The following ACSS2 variants were observed in gnomAD, a reference collection of about 807,000 sequenced individuals.
ACSS2 encodes the protein acyl-CoA synthetase short chain family member 2.
In ACSS2, 58 loss-of-function variants were observed where a neutral mutation model predicts 90.6. The ratio of observed to expected loss-of-function variants is 0.64; its 90% CI spans 0.52 to 0.80. ACSS2 has a LOEUF of 0.80. Among genes scored for constraint, ACSS2 ranks in the 30% least tolerant of loss-of-function variants. The pLI is 0.00. For missense variants in ACSS2, 759 were observed against 912.0 expected, an observed-to-expected ratio of 0.83 and a Z score of 2.16; for synonymous variants, 300 against 330.9, an observed-to-expected ratio of 0.91 and a Z score of 1.01.
chr20:34,919,988 C>T (rs757048712), intron 8 of ACSS2, among the ~76,000 whole-genome samples: 14 of 152,052 alleles, frequency 9.2e-5, no homozygotes, highest in Non-Finnish European at 1.9e-4. Context: ...CCATGGGAGC[C>T]GGAAACACTT....
At chr20:34,908,461 T>A (rs895693630) in intron 2 of ACSS2, among the ~76,000 whole-genome samples, 4 of 152,212 alleles carry the variant, frequency 2.6e-5, no homozygotes, top group Admixed American at 2.0e-4. Flanking sequence ...TATGATTGCC[T>A]ACCTCTCATT....
In ACSS2 at chr20:34,923,413, T is replaced by C; in HGVS notation, c.1639T>C (p.Tyr547His). ...ETTYFKKFPG[Y>H]YVTGDGCQRD... ...AACCTACTTTAAGAAGTTTCCTGGA[T>C]ACTATGTTACAGGAGATGGTGAGCC... The change falls in exon 14 of 18, where the codon TAC becomes CAC. Residue 547 changes from tyrosine to histidine, a missense_variant. Coordinates refer to ENST00000360596, the MANE Select transcript of ACSS2 (RefSeq NM_018677.4). The C allele has an allele frequency of 6.2e-7, 1 of 1,613,568 alleles. No homozygotes were observed. The highest frequency in any genetic ancestry group is 1.1e-5 in the South Asian group (1 of 91,068).
At chr20:34,911,849 C>A (rs2080967197) in intron 2 of ACSS2, among the ~76,000 whole-genome samples, 1 of 151,774 alleles carries the variant, frequency 6.6e-6, no homozygotes. Flanking sequence ...GAGACGGAGT[C>A]TTACTCTGTC....
upstream of ACSS2, chr20:34,876,436 A>G (rs1323838560): frequency 2.3e-6 from 1 of 440,058 alleles, no homozygotes; most frequent in Non-Finnish European, 3.7e-6. Flanking sequence ...ACTTTTCCTT[A>G]TAGTATTTCT....
chr20:34,905,507 G>A (rs1007581912), intron 2 of ACSS2, among the ~76,000 whole-genome samples: 1 of 152,088 alleles, frequency 6.6e-6, no homozygotes, highest in Non-Finnish European at 1.5e-5. Flanking sequence ...TGATCCGCCC[G>A]CCTCAGCCTC....
chr20:34,910,622 T>A (rs2080928581), intron 2 of ACSS2, among the ~76,000 whole-genome samples: 1 of 152,200 alleles, frequency 6.6e-6, no homozygotes, highest in Non-Finnish European at 1.5e-5. Flanking sequence ...GCCTCTGTAC[T>A]CCAGCCTATC....
At chr20:34,877,844 A>T (rs902090417) in intron 1 of ACSS2, among the ~76,000 whole-genome samples, 1 of 151,462 alleles carries the variant, frequency 6.6e-6, no homozygotes, top group South Asian at 2.1e-4. Context: ...AAAAAAAAAA[A>T]AAAAAGGTAT....
intron 2 of ACSS2, among the ~76,000 whole-genome samples, chr20:34,900,917 C>A (rs1385792875): frequency 6.6e-6 from 1 of 152,114 alleles, no homozygotes; most frequent in Non-Finnish European, 1.5e-5. Context: ...CTTTTGGAGG[C>A]CATGTCATTT....
At chr20:34,889,366 C>G (rs912727004) in intron 2 of ACSS2, among the ~76,000 whole-genome samples, 1 of 151,742 alleles carries the variant, frequency 6.6e-6, no homozygotes, top group Non-Finnish European at 1.5e-5. Flanking sequence ...TCGTGATCCA[C>G]TCTCCTCGGC....
chr20:34,882,398 C>A (rs183341224), intron 1 of ACSS2, among the ~76,000 whole-genome samples: 2,561 of 152,072 alleles, frequency 0.017, 87 homozygotes, highest in African/African-American at 0.058. Context: ...CCGAGGCGGG[C>A]GGATCACGAG....
intron 2 of ACSS2, among the ~76,000 whole-genome samples, chr20:34,899,423 T>TTTCTTTCTCTTTCTTTCCTTCC (rs1491564858): frequency 6.4e-4 from 72 of 113,074 alleles, no homozygotes; most frequent in African/African-American, 2.4e-3. Context: ...TCTTTCTTTC[T>TTTCTTTCTCTTTCTTTCCTTCC]TTCCTTCCTT....
rs754381719 is a variant in ACSS2 at position 34,926,201 on chromosome 20, G to T, written c.1823G>T (p.Gly608Val). The T allele has an allele frequency of 2.7e-5, 44 of 1,614,214 alleles. No homozygotes were observed. The highest frequency in any genetic ancestry group is 3.4e-5 in the Non-Finnish European group (40 of 1,180,030). ...GTGGGCCACCCTCATCCTGTGAAGG[G>T]TGAATGCCTCTACTGCTTTGTCACC... ...AVVGHPHPVK[G>V]ECLYCFVTLC... The change falls in exon 16 of 18, where the codon GGT becomes GTT. Residue 608 changes from glycine (G) to valine (V), a missense_variant. Physicochemically the swap from Gly to Val is moderately radical, Grantham distance 109. Transcript: ENST00000360596.
At chr20:34,913,709 C>T in intron 4 of ACSS2, 44 bp from the exon 5 acceptor site, 1 of 1,570,982 alleles carries the variant, frequency 6.4e-7, no homozygotes, top group Non-Finnish European at 8.8e-7. Context: ...TCACTCAATC[C>T]CTGGGGCTTT....
intron 2 of ACSS2, among the ~76,000 whole-genome samples, chr20:34,898,152 AGAGT>A (rs2080512110): frequency 6.6e-6 from 1 of 152,202 alleles, no homozygotes; most frequent in African/African-American, 2.4e-5. Flanking sequence ...GTGGACCCAA[AGAGT>A]GAGCAGCAGC....
chr20:34,921,924 A>T lies in ACSS2; in HGVS notation c.1548+58A>T. 3 of 1,564,028 alleles carry T rather than the reference A, an allele frequency of 1.9e-6. No homozygotes were observed. In the South Asian group the frequency reaches 3.7e-5, roughly 19 times the overall value. The stretch of plus-strand genomic sequence containing the variant: ...GAGAGGGAAAGGGTCTGCCAAGGGT[A>T]CTTTGCTTTAGAGTTAATAACCTAA... On this transcript the variant is annotated intron_variant, in intron 13 of 17. Coordinates refer to ENST00000360596, the MANE Select transcript of ACSS2 (RefSeq NM_018677.4).
At chr20:34,915,357 C>A in intron 7 of ACSS2, 1 of 1,406,518 alleles carries the variant, frequency 7.1e-7, no homozygotes, top group Non-Finnish European at 1.0e-6. Flanking sequence ...GCTGCCAGAC[C>A]TAACCTCCTT....
In ACSS2 at chr20:34,926,151, T is replaced by C; in HGVS notation, c.1773T>C (p.His591=). ...AGGTGGAGTCAGCACTTGTGGAACA[T>C]GAGGCTGTTGCAGAGGCAGCTGTGG... The part of the protein sequence containing the change: ...TAEVESALVE[H]EAVAEAAVVG... Residue 591 remains histidine, a synonymous_variant, in exon 16 of 18, where the codon CAT becomes CAC. Coordinates refer to ENST00000360596, the MANE Select transcript of ACSS2 (RefSeq NM_018677.4). The C allele has an allele frequency of 6.2e-7, 1 of 1,614,196 alleles. No individual in the cohort carries two copies. Among genetic ancestry groups the C allele is most frequent in the Non-Finnish European group, 8.5e-7 (1 of 1,180,024 alleles).
chr20:34,916,934 C>G (rs1200298673), intron 7 of ACSS2, among the ~76,000 whole-genome samples: 2 of 152,186 alleles, frequency 1.3e-5, no homozygotes, highest in Non-Finnish European at 2.9e-5. Flanking sequence ...AAAATTCAGA[C>G]CTTTTCCTGG....
intron 2 of ACSS2, among the ~76,000 whole-genome samples, chr20:34,885,211 G>A (rs916530352): frequency 6.6e-6 from 1 of 151,444 alleles, no homozygotes; most frequent in African/African-American, 2.4e-5. Context: ...AAAAGTAATA[G>A]TAATAAAAAT....
Sources: gnomAD v4.1 joint callset for allele counts (sites outside exome capture counted in the v4.1 genomes callset) on GRCh38, gnomAD v4.1.1 for gene constraint, MANE v1.5 for transcripts, NCBI Gene and HGNC (gene_info 2026-07-23, HGNC 2026-07-21) for gene names.